KLF12: variants seen among roughly 807,000 people sequenced by gnomAD.
The protein encoded by KLF12 is KLF transcription factor 12.
Under a neutral mutation model 37.8 loss-of-function variants are expected in KLF12, and 9 were observed. That is an observed-to-expected ratio of 0.24 (90% CI 0.14 to 0.42). The LOEUF is 0.42. Ranked by LOEUF, KLF12 falls within the 10% of genes least tolerant of loss-of-function variation. The pLI, the probability that KLF12 is intolerant of heterozygous loss-of-function variation, is 1.00. For missense variants in KLF12, 411 were observed against 516.0 expected, an observed-to-expected ratio of 0.80 and a Z score of 1.97; for synonymous variants, 208 against 202.1, an observed-to-expected ratio of 1.03 and a Z score of -0.25.
chr13:73,911,189 T>G (rs1364066323), intron 3 of KLF12, among the ~76,000 whole-genome samples: 1 of 152,124 alleles, frequency 6.6e-6, no homozygotes, highest in Non-Finnish European at 1.5e-5. Context: ...CATCAGGACA[T>G]CTCACTGGGC....
intron 2 of KLF12, among the ~76,000 whole-genome samples, chr13:73,975,407 A>C (rs1265485973): frequency 6.6e-6 from 1 of 152,200 alleles, no homozygotes; most frequent in Non-Finnish European, 1.5e-5. Context: ...CATACACTCA[A>C]TAATGAAATC....
chr13:74,130,752 G>A (rs934680900), intron 1 of KLF12, among the ~76,000 whole-genome samples: 30 of 152,008 alleles, frequency 2.0e-4, no homozygotes, highest in African/African-American at 7.2e-4. Flanking sequence ...CAGCATGCAA[G>A]TGGCAAGCAG....
chr13:73,794,796 G>A (rs1881872681), intron 5 of KLF12, among the ~76,000 whole-genome samples: 1 of 152,124 alleles, frequency 6.6e-6, no homozygotes, highest in South Asian at 2.1e-4. Flanking sequence ...AGATCATGAA[G>A]GGATGTTTAA....
chr13:73,848,203 CA>C (rs1253795425), intron 3 of KLF12, among the ~76,000 whole-genome samples: 21 of 152,126 alleles, frequency 1.4e-4, no homozygotes, highest in Non-Finnish European at 2.8e-4. Flanking sequence ...TACTTAGACA[CA>C]AGATTCCTAC....
At chr13:74,167,556 G>T in the KLF12 span, among the ~76,000 whole-genome samples, 1 of 152,212 alleles carries the variant, frequency 6.6e-6, no homozygotes, top group East Asian at 1.9e-4. Context: ...CGTTAGCAAA[G>T]ATCTGGTGAG....
At chr13:73,807,673 A>G (rs528564366) in intron 5 of KLF12, among the ~76,000 whole-genome samples, 1 of 152,336 alleles carries the variant, frequency 6.6e-6, no homozygotes, top group Non-Finnish European at 1.5e-5. Context: ...AATCAGAGAG[A>G]GTAGACTACT....
chr13:74,015,506 G>A (rs371845639), intron 1 of KLF12, among the ~76,000 whole-genome samples: 1 of 152,044 alleles, frequency 6.6e-6, no homozygotes, highest in Non-Finnish European at 1.5e-5. Context: ...ATCCACCCTA[G>A]TGCGCCCATG....
intron 3 of KLF12, among the ~76,000 whole-genome samples, chr13:73,938,271 G>C (rs1248237501): frequency 1.3e-5 from 2 of 152,044 alleles, no homozygotes; most frequent in African/African-American, 4.8e-5. Flanking sequence ...AAATTAAATA[G>C]GTTTACTGAG....
intron 5 of KLF12, among the ~76,000 whole-genome samples, chr13:73,808,992 A>G (rs1370087223): frequency 1.3e-5 from 2 of 152,210 alleles, no homozygotes; most frequent in Non-Finnish European, 2.9e-5. Flanking sequence ...CCAAGGAAAT[A>G]AGAGGCAAAT....
the KLF12 span, among the ~76,000 whole-genome samples, chr13:74,267,876 A>G: frequency 6.6e-6 from 1 of 152,060 alleles, no homozygotes; most frequent in Non-Finnish European, 1.5e-5. Flanking sequence ...TTAATTTTTT[A>G]AAAAAGAGGC....
upstream of KLF12, among the ~76,000 whole-genome samples, chr13:74,137,769 A>T (rs1878601007): frequency 6.6e-6 from 1 of 151,842 alleles, no homozygotes; most frequent in Admixed American, 6.6e-5. Flanking sequence ...TTATTTATTT[A>T]TTTATTTTGA....
intron 3 of KLF12, among the ~76,000 whole-genome samples, chr13:73,938,385 G>A (rs1890042632): frequency 1.3e-5 from 2 of 152,004 alleles, no homozygotes; most frequent in South Asian, 4.1e-4. Flanking sequence ...ACATTTCCAG[G>A]TTCAGCTACA....
intron 1 of KLF12, among the ~76,000 whole-genome samples, chr13:74,000,767 C>A (rs1892258582): frequency 6.6e-6 from 1 of 152,140 alleles, no homozygotes; most frequent in Non-Finnish European, 1.5e-5. Context: ...GCTTCCGTTT[C>A]ATTACACCCC....
intron 1 of KLF12, among the ~76,000 whole-genome samples, chr13:73,996,455 AAGGT>A (rs1403894907): frequency 1.3e-5 from 2 of 152,220 alleles, no homozygotes; most frequent in African/African-American, 4.8e-5. Flanking sequence ...ATGTTCAATC[AAGGT>A]ACATCAAAAC....
intron 3 of KLF12, among the ~76,000 whole-genome samples, chr13:73,922,234 T>C: frequency 6.6e-6 from 1 of 152,190 alleles, no homozygotes; most frequent in Non-Finnish European, 1.5e-5. Flanking sequence ...CTTAAACATT[T>C]TACATATGAA....
At chr13:74,049,457 A>C (rs1425523922) in intron 1 of KLF12, among the ~76,000 whole-genome samples, 4 of 152,222 alleles carry the variant, frequency 2.6e-5, no homozygotes, top group Non-Finnish European at 4.4e-5. Context: ...CAGAGCTTTC[A>C]GGAAGCTGCT....
intron 6 of KLF12, among the ~76,000 whole-genome samples, chr13:73,737,698 C>T (rs899076597): frequency 2.0e-5 from 3 of 152,074 alleles, no homozygotes; most frequent in Non-Finnish European, 4.4e-5. Context: ...ATTTTCTAAT[C>T]CCATGCATGA....
At chr13:73,959,452 T>C (rs1017740329) in intron 2 of KLF12, among the ~76,000 whole-genome samples, 1 of 151,704 alleles carries the variant, frequency 6.6e-6, no homozygotes. Context: ...TGATGCTAGA[T>C]AAAATGTAAG....
At chr13:74,062,591 A>T (rs1214193938) in intron 1 of KLF12, among the ~76,000 whole-genome samples, 1 of 152,214 alleles carries the variant, frequency 6.6e-6, no homozygotes, top group South Asian at 2.1e-4. Flanking sequence ...AATGCAATTT[A>T]CAAGTATTTT....
Sources: allele counts gnomAD v4.1 joint callset (sites outside exome capture counted in the v4.1 genomes callset), GRCh38; gene constraint gnomAD v4.1.1; transcripts MANE v1.5; gene names NCBI Gene and HGNC (gene_info 2026-07-23, HGNC 2026-07-21).